TCF12: variants seen among roughly 807,000 people sequenced by gnomAD.
TCF12 encodes transcription factor 12.
In TCF12, 45 loss-of-function variants were observed where a neutral mutation model predicts 86.0. The ratio of observed to expected loss-of-function variants is 0.52; its 90% CI spans 0.41 to 0.67. TCF12 has a LOEUF of 0.67. Among genes scored for constraint, TCF12 ranks in the 30% least tolerant of loss-of-function variants. The pLI is 0.00. For missense variants in TCF12, 881 were observed against 859.9 expected (o/e 1.02, Z -0.31); for synonymous variants, 330 against 299.6 (o/e 1.10, Z -1.05).
Position 57,243,516 on chromosome 15 carries a change from A to G in TCF12, c.1080A>G (p.Pro360=), listed in dbSNP as rs2059723384. The G allele has an allele frequency of 1.9e-6, 3 of 1,613,866 alleles. No homozygotes were observed. Among genetic ancestry groups the G allele is most frequent in the Non-Finnish European group, 2.5e-6 (3 of 1,179,920 alleles). ...CCAGCAGTAGTTTTCCGTCAAATCC[A>G]TCAACACCAGTTGGATCACCTTCAC... ...DHTSSSFPSN[P]STPVGSPSPL... Residue 360 remains proline (P), a synonymous_variant, in exon 13 of 21, where the codon CCA becomes CCG. Transcript: ENST00000333725.
intron 6 of TCF12, among the ~76,000 whole-genome samples, chr15:57,180,832 T>TTTTTTTTTTTG (rs2056291615): frequency 1.9e-5 from 2 of 107,188 alleles, no homozygotes; most frequent in South Asian, 3.2e-4. Context: ...TTTTTTTTTT[T>TTTTTTTTTTTG]GAGATGGAGT....
intron 6 of TCF12, among the ~76,000 whole-genome samples, chr15:57,170,273 A>AT (rs2055213227): frequency 1.3e-5 from 2 of 150,374 alleles, no homozygotes; most frequent in African/African-American, 5.0e-5. Flanking sequence ...GGGAATTAAA[A>AT]ATTTTTTTTT....
chr15:57,223,648 T>TTTTTTTTTTTTTTTTTG (rs2058716360), intron 8 of TCF12, among the ~76,000 whole-genome samples: 1 of 128,476 alleles, frequency 7.8e-6, no homozygotes, highest in Non-Finnish European at 1.7e-5. Flanking sequence ...ATGAGGTTTT[T>TTTTTTTTTTTTTTTTTG]TTTTTTTTTT....
At chr15:56,993,315 C>T (rs2063543545) in intron 3 of TCF12, among the ~76,000 whole-genome samples, 1 of 152,198 alleles carries the variant, frequency 6.6e-6, no homozygotes, top group Non-Finnish European at 1.5e-5. Context: ...GCAGAGACTA[C>T]AGCAGGAGCC....
In TCF12 at chr15:57,061,741, A is replaced by G. The variant is rs567708122; in HGVS notation, c.149-2009A>G. On this transcript the variant is annotated intron_variant, in intron 3 of 20. Transcript: ENST00000333725. ...ACAAGATTCATCGAAATCACTTACC[A>G]TTATATGTTCAATAAAAGTGATTTT... is the stretch of plus-strand genomic sequence containing the variant. Among the ~76,000 whole-genome samples, 16 of 152,348 alleles carry G rather than the reference A, an allele frequency of 1.1e-4. No homozygotes were observed. The South Asian group carries it at 3.3e-3, about 32-fold the overall frequency.
chr15:57,194,273 G>A (rs942024272), intron 7 of TCF12, among the ~76,000 whole-genome samples: 2 of 152,104 alleles, frequency 1.3e-5, no homozygotes, highest in Non-Finnish European at 2.9e-5. Flanking sequence ...CAGGGGCATT[G>A]CTGTACACAC....
chr15:56,984,384 C>T (rs1220959257), intron 3 of TCF12, among the ~76,000 whole-genome samples: 2 of 151,390 alleles, frequency 1.3e-5, no homozygotes, highest in Non-Finnish European at 2.9e-5. Context: ...TGTGCTAGCT[C>T]AGGTTTGGTA....
At chr15:57,111,371 T>A (rs887330866) in intron 5 of TCF12, among the ~76,000 whole-genome samples, 1 of 152,156 alleles carries the variant, frequency 6.6e-6, no homozygotes, top group Non-Finnish European at 1.5e-5. Context: ...CTTTTCTCTC[T>A]AAGACCTAAG....
intron 3 of TCF12, among the ~76,000 whole-genome samples, chr15:56,996,038 A>T (rs1025862566): frequency 6.6e-6 from 1 of 152,140 alleles, no homozygotes; most frequent in African/African-American, 2.4e-5. Flanking sequence ...ATCTATTGAG[A>T]TGATCATTTG....
chr15:57,044,725 G>A (rs1484871815), intron 3 of TCF12, among the ~76,000 whole-genome samples: 1 of 151,558 alleles, frequency 6.6e-6, no homozygotes, highest in African/African-American at 2.4e-5. Context: ...TTTTTTATAA[G>A]ACTGTGTTTA....
chr15:57,191,028 C>G (rs1467388231), intron 6 of TCF12, among the ~76,000 whole-genome samples: 1 of 152,122 alleles, frequency 6.6e-6, no homozygotes, highest in Admixed American at 6.6e-5. Flanking sequence ...GCAGCAGATG[C>G]AACAAAATGA....
chr15:56,949,238 G>C (rs1383477706), intron 3 of TCF12, among the ~76,000 whole-genome samples: 1 of 152,036 alleles, frequency 6.6e-6, no homozygotes, highest in Non-Finnish European at 1.5e-5. Flanking sequence ...TGCATTTGCT[G>C]GTATTTTTAG....
chr15:57,245,777 G>T (rs2059829691), intron 13 of TCF12, among the ~76,000 whole-genome samples: 2 of 152,032 alleles, frequency 1.3e-5, no homozygotes, highest in South Asian at 4.2e-4. Context: ...TGAAAATCTG[G>T]GCTGTTGAAT....
intron 5 of TCF12, among the ~76,000 whole-genome samples, chr15:57,137,519 T>C (rs2052638236): frequency 6.6e-6 from 1 of 152,198 alleles, no homozygotes; most frequent in African/African-American, 2.4e-5. Context: ...CTAAAAATAT[T>C]TGTGGATTAA....
chr15:56,985,665 C>G (rs1430337798), intron 3 of TCF12, among the ~76,000 whole-genome samples: 1 of 152,170 alleles, frequency 6.6e-6, no homozygotes, highest in African/African-American at 2.4e-5. Flanking sequence ...TGAAGAAAAG[C>G]TGGTCCTTAG....
rs542076965 is a variant in TCF12 at position 57,183,014 on chromosome 15, C to T, written c.391-9144C>T. ...GACCTAGATTCAAATTAGGATTTCA[C>T]TACTTGTTATCACTTTAATATGTGA... is the stretch of plus-strand genomic sequence containing the variant. On this transcript the variant is annotated intron_variant, in intron 6 of 20. Transcript: ENST00000333725. 2.0e-5 allele frequency among the ~76,000 whole-genome samples: 3 copies of T among 152,260 alleles called. No individual in the cohort carries two copies. The South Asian group carries it at 6.2e-4, about 32-fold the overall frequency.
chr15:57,049,868 T>C (rs1469125672), intron 3 of TCF12, among the ~76,000 whole-genome samples: 2 of 152,254 alleles, frequency 1.3e-5, no homozygotes, highest in Admixed American at 6.5e-5. Context: ...GTAACATTAC[T>C]ATTTGTTTTC....
intron 3 of TCF12, among the ~76,000 whole-genome samples, chr15:56,998,979 A>C (rs942183506): frequency 6.6e-6 from 1 of 152,090 alleles, no homozygotes; most frequent in Non-Finnish European, 1.5e-5. Flanking sequence ...CGGGCGGATC[A>C]TGAGGTCAGG....
chr15:57,216,313 A>G (rs1474544884), intron 8 of TCF12, among the ~76,000 whole-genome samples: 1 of 152,150 alleles, frequency 6.6e-6, no homozygotes, highest in Non-Finnish European at 1.5e-5. Flanking sequence ...ATCTTGCTGT[A>G]AAACTTGGTG....
Sources: allele counts gnomAD v4.1 joint callset (sites outside exome capture counted in the v4.1 genomes callset), GRCh38; gene constraint gnomAD v4.1.1; transcripts MANE v1.5; gene names NCBI Gene and HGNC (gene_info 2026-07-23, HGNC 2026-07-21).